AOX1: variants seen among roughly 807,000 people sequenced by gnomAD.
AOX1 encodes the protein aldehyde oxidase 1.
A neutral mutation model predicts 169.5 loss-of-function variants in AOX1; 153 were observed. That is an observed-to-expected ratio of 0.90 (90% confidence interval 0.79 to 1.03). The LOEUF (loss-of-function observed/expected upper bound fraction) is 1.03. Among genes scored for constraint, AOX1 ranks in the 50% least tolerant of loss-of-function variants. The pLI, the probability that AOX1 is intolerant of heterozygous loss-of-function variation, is 0.00. For synonymous variants in AOX1, 562 were observed against 581.9 expected, an observed-to-expected ratio of 0.97 and a Z score of 0.49; for missense variants, 1,656 against 1,663.9, an observed-to-expected ratio of 1.00 and a Z score of 0.08.
chr2:200,653,407 G>A (rs778460282), intron 26 of AOX1, among the ~76,000 whole-genome samples: 5 of 152,216 alleles, frequency 3.3e-5, no homozygotes, highest in Non-Finnish European at 5.9e-5. Context: ...CCTTCTCCAT[G>A]GAAGGACCTG....
At chr2:200,590,000 G>A (rs2034135455) in intron 1 of AOX1, among the ~76,000 whole-genome samples, 1 of 152,152 alleles carries the variant, frequency 6.6e-6, no homozygotes, top group African/African-American at 2.4e-5. Flanking sequence ...GTGTCCCCAT[G>A]GCTGTTCCCT....
chr2:200,665,683 C>T (rs1173789041), intron 31 of AOX1, among the ~76,000 whole-genome samples: 2 of 152,162 alleles, frequency 1.3e-5, no homozygotes, highest in South Asian at 2.1e-4. Context: ...CTGCCCCCCT[C>T]GGCCTCCCAA....
Position 200,597,489 on chromosome 2 carries a change from G to C in AOX1, c.293G>C (p.Arg98Thr). 1 of 1,611,576 alleles carries C rather than the reference G, an allele frequency of 6.2e-7. No individual in the cohort carries two copies. Among genetic ancestry groups the C allele is most frequent in the Non-Finnish European group, 8.5e-7 (1 of 1,178,580 alleles). The change falls in exon 4 of 35, where the codon AGA becomes ACA. Residue 98 changes from arginine to threonine, a missense_variant. Coordinates refer to ENST00000374700, the MANE Select transcript of AOX1 (RefSeq NM_001159.4). ...TVEGIGSTHT[R>T]IHPVQERIAK... Reference sequence around the variant, plus strand: ...GAAGGCATAGGAAGCACCCACACCAGAATTCATCCTGTTCAGGTGAGGATG... The same window carrying C: ...GAAGGCATAGGAAGCACCCACACCACAATTCATCCTGTTCAGGTGAGGATG...
At chr2:200,637,227 G>C (rs2035253520) in intron 22 of AOX1, among the ~76,000 whole-genome samples, 183 bp downstream of exon 22, 1 of 152,136 alleles carries the variant, frequency 6.6e-6, no homozygotes, top group Non-Finnish European at 1.5e-5. Flanking sequence ...ACCAAAATAA[G>C]AGTCAATTAC....
In AOX1 at chr2:200,666,685, A is replaced by G; in HGVS notation, c.3544-2A>G. On this transcript the variant is annotated splice_acceptor_variant, in intron 31 of 34. Coordinates refer to ENST00000374700, the MANE Select transcript of AOX1 (RefSeq NM_001159.4). LOFTEE classifies it high-confidence loss of function. Reference sequence around the variant, plus strand: ...AACATTTTAACTTTTTTTTAATACTAGAACATCAGAACAGACATTGTCATG... The same window carrying G: ...AACATTTTAACTTTTTTTTAATACTGGAACATCAGAACAGACATTGTCATG... The G allele has an allele frequency of 6.3e-7, 1 of 1,598,190 alleles. No individual in the cohort carries two copies. The highest frequency in any genetic ancestry group is 8.5e-7 in the Non-Finnish European group (1 of 1,174,142).
At chr2:200,651,402 C>T (rs985837913) in intron 26 of AOX1, among the ~76,000 whole-genome samples, 3 of 152,192 alleles carry the variant, frequency 2.0e-5, no homozygotes, top group African/African-American at 7.2e-5. Context: ...CTCACATGCC[C>T]ATGGTTGGTC....
At chr2:200,602,259 A>C in intron 5 of AOX1, 25 bp from the exon 6 acceptor site, 1 of 1,612,092 alleles carries the variant, frequency 6.2e-7, no homozygotes, top group Non-Finnish European at 8.5e-7. Flanking sequence ...CACTTGGCTA[A>C]CAGAGCTGGG....
intron 31 of AOX1, among the ~76,000 whole-genome samples, chr2:200,665,556 T>C (rs2348026): frequency 0.29 from 43,405 of 152,130 alleles, 7,574 homozygotes; most frequent in East Asian, 0.79. Context: ...CTCAGCCTCC[T>C]GAGTAGCTGG....
chr2:200,609,954 G>A (rs2034600569), intron 12 of AOX1, among the ~76,000 whole-genome samples: 1 of 151,980 alleles, frequency 6.6e-6, no homozygotes, highest in Non-Finnish European at 1.5e-5. Context: ...AAATTATTAG[G>A]AAGTTCTAAT....
downstream of AOX1, among the ~76,000 whole-genome samples, chr2:200,680,066 A>C (rs898627085): frequency 9.9e-5 from 15 of 152,266 alleles, no homozygotes; most frequent in African/African-American, 3.6e-4. Flanking sequence ...GTGACAGAGC[A>C]AGACTTCATC....
chr2:200,660,346 C>A (rs2035796387), intron 29 of AOX1, among the ~76,000 whole-genome samples: 1 of 152,176 alleles, frequency 6.6e-6, no homozygotes, highest in African/African-American at 2.4e-5. Context: ...AATGTTTCAT[C>A]CTATGTAGCC....
rs200203242 is a variant in AOX1, at chr2:200,663,002, A to C, written c.3543+33A>C. On this transcript the variant is annotated intron_variant, in intron 31 of 34. Coordinates refer to ENST00000374700, the MANE Select transcript of AOX1 (RefSeq NM_001159.4). The stretch of plus-strand genomic sequence containing the variant: ...CCGGTTGGAAAGGTCTTCAAGTTGC[A>C]CTTAGGATGCACCTAAATTCCACAG... The C allele has an allele frequency of 1.9e-4, 300 of 1,553,784 alleles. No homozygotes were observed. In the African/African-American group the frequency reaches 3.4e-3, roughly 18 times the overall value.
In AOX1 at chr2:200,593,585, G is replaced by A. The variant is rs180888688; in HGVS notation, c.103+382G>A. On this transcript the variant is annotated intron_variant, in intron 2 of 34. Transcript: ENST00000374700. ...CCTGAAATGAAAGTAAAAGGAAAAC[G>A]GAAGAACTAAACCTGAAAATGTTAT... Among the ~76,000 whole-genome samples, 242 of 152,196 alleles carry A rather than the reference G, an allele frequency of 1.6e-3. 2 individuals carry two copies. The highest frequency in any genetic ancestry group is 5.5e-3 in the African/African-American group (230 of 41,530).
At position 200,648,165 on chromosome 2, in the gene AOX1, T is replaced by A. The variant is rs149332140; in HGVS notation, c.2848-2809T>A. On this transcript the variant is annotated intron_variant, in intron 25 of 34. Coordinates refer to ENST00000374700, the MANE Select transcript of AOX1 (RefSeq NM_001159.4). Reference sequence around the variant, plus strand: ...ATTTTTTGGGGGTGTTGAAGAGCCTTGTTTTGTCATGTTACCAGGGTTGCT... The same window carrying A: ...ATTTTTTGGGGGTGTTGAAGAGCCTAGTTTTGTCATGTTACCAGGGTTGCT... 3.5e-3 allele frequency among the ~76,000 whole-genome samples: 533 copies of A among 152,280 alleles called. 2 individuals are homozygous for A. Among genetic ancestry groups the A allele is most frequent in the African/African-American group, 0.012 (511 of 41,568 alleles).
chr2:200,674,789 A>G (rs1190772376), downstream of AOX1, among the ~76,000 whole-genome samples: 1 of 152,144 alleles, frequency 6.6e-6, no homozygotes, highest in African/African-American at 2.4e-5. Flanking sequence ...CAGGAGACCA[A>G]CTGGCCATTT....
downstream of AOX1, among the ~76,000 whole-genome samples, chr2:200,672,017 A>T (rs2036036639): frequency 6.6e-6 from 1 of 152,210 alleles, no homozygotes; most frequent in Non-Finnish European, 1.5e-5. Flanking sequence ...AACCTTGAAA[A>T]CATTGTCTAA....
At position 200,597,287 on chromosome 2, in the gene AOX1, G is replaced by C. The variant is rs147633649; in HGVS notation, c.201-110G>C. ...GAGGAAATGTATGTGTAAAACCTGG[G>C]TACATTATACAAAAACCTGCCACAG... On this transcript the variant is annotated intron_variant, in intron 3 of 34. Coordinates refer to ENST00000374700, the MANE Select transcript of AOX1 (RefSeq NM_001159.4). The C allele has an allele frequency of 3.6e-4, 238 of 655,170 alleles. 1 individual carries two copies. In the African/African-American group the frequency reaches 3.8e-3, roughly 10 times the overall value. 40.6% of individuals were successfully genotyped at this position (655,170 alleles called of 1,614,324 possible).
chr2:200,656,257 C>T (rs1244077763), intron 26 of AOX1, among the ~76,000 whole-genome samples: 1 of 152,144 alleles, frequency 6.6e-6, no homozygotes, highest in Non-Finnish European at 1.5e-5. Context: ...CTGGGATATC[C>T]CCATATTCTA....
intron 30 of AOX1, 34 bp from the exon 31 acceptor site, chr2:200,662,821 G>A (rs780111938): frequency 2.5e-5 from 39 of 1,555,198 alleles, no homozygotes; most frequent in Admixed American, 3.3e-5. Context: ...ATTAGGGGAC[G>A]TGATCACTTA....
Sources: allele counts gnomAD v4.1 joint callset (sites outside exome capture counted in the v4.1 genomes callset), GRCh38; gene constraint gnomAD v4.1.1; transcripts MANE v1.5; gene names NCBI Gene and HGNC (gene_info 2026-07-23, HGNC 2026-07-21).